ZFHX3: variants seen among roughly 807,000 people sequenced by gnomAD.
ZFHX3 encodes zinc finger homeobox protein 3.
In ZFHX3, 42 loss-of-function variants were observed where a neutral mutation model predicts 279.1. That is an observed-to-expected ratio of 0.15 (90% CI 0.12 to 0.19). ZFHX3 has a LOEUF of 0.19. Ranked by LOEUF, ZFHX3 falls within the 10% of genes least tolerant of loss-of-function variation. ZFHX3 has a pLI of 1.00. For synonymous variants in ZFHX3, 2,293 were observed against 1,957.8 expected, an observed-to-expected ratio of 1.17 and a Z score of -4.52; for missense variants, 4,981 against 4,754.0, an observed-to-expected ratio of 1.05 and a Z score of -1.40.
At chr16:73,371,200 G>A (rs1187181253) in intron 3 of ZFHX3, among the ~76,000 whole-genome samples, 2 of 151,650 alleles carry the variant, frequency 1.3e-5, no homozygotes, top group African/African-American at 2.4e-5. Flanking sequence ...CTAGCTACTC[G>A]AGAGGCTGAG....
chr16:72,823,426 G>T (rs1405633611), intron 5 of ZFHX3, among the ~76,000 whole-genome samples: 2 of 152,152 alleles, frequency 1.3e-5, no homozygotes, highest in African/African-American at 4.8e-5. Flanking sequence ...CCACTCAAAG[G>T]CACCCATGTG....
intron 5 of ZFHX3, among the ~76,000 whole-genome samples, chr16:73,239,953 T>A (rs1473989854): frequency 6.6e-6 from 1 of 152,142 alleles, no homozygotes; most frequent in East Asian, 1.9e-4. Context: ...GTCACAATGT[T>A]TTCATCAATG....
At chr16:72,961,621 T>G (rs1385738503) in intron 1 of ZFHX3, among the ~76,000 whole-genome samples, 2 of 141,074 alleles carry the variant, frequency 1.4e-5, no homozygotes, top group Non-Finnish European at 3.1e-5. Flanking sequence ...AGCCCCTATC[T>G]TCTCAATCTT....
intron 2 of ZFHX3, among the ~76,000 whole-genome samples, chr16:73,534,222 A>G (rs1322578196): frequency 2.0e-5 from 3 of 152,152 alleles, no homozygotes; most frequent in Non-Finnish European, 4.4e-5. Flanking sequence ...CACACAAAGT[A>G]TACTTCCACT....
intron 4 of ZFHX3, among the ~76,000 whole-genome samples, chr16:73,271,610 A>G (rs1325311498): frequency 1.3e-5 from 2 of 152,202 alleles, no homozygotes; most frequent in African/African-American, 2.4e-5. Context: ...CACCTGTAAA[A>G]TGGGGATGAT....
chr16:73,466,311 G>T (rs1236316730), intron 2 of ZFHX3, among the ~76,000 whole-genome samples: 1 of 152,178 alleles, frequency 6.6e-6, no homozygotes, highest in Non-Finnish European at 1.5e-5. Context: ...GGAAAACCCT[G>T]TCTCTACAAA....
At chr16:73,449,209 C>T (rs1424007) in intron 3 of ZFHX3, among the ~76,000 whole-genome samples, 5,691 of 152,268 alleles carry the variant, frequency 0.037, 320 homozygotes, top group African/African-American at 0.13. Flanking sequence ...AAATTTTATA[C>T]CCAGCTAATG....
intron 3 of ZFHX3, among the ~76,000 whole-genome samples, chr16:73,337,271 C>T (rs998190233): frequency 6.6e-6 from 1 of 152,134 alleles, no homozygotes; most frequent in African/African-American, 2.4e-5. Context: ...GACTCCTGTT[C>T]TGTCATCACC....
chr16:73,259,410 T>C (rs1438630838), intron 4 of ZFHX3, among the ~76,000 whole-genome samples: 1 of 152,260 alleles, frequency 6.6e-6, no homozygotes, highest in Non-Finnish European at 1.5e-5. Flanking sequence ...ATAATTATTG[T>C]TTCAAAAGCC....
At chr16:73,136,629 G>A (rs1443731469) in intron 6 of ZFHX3, among the ~76,000 whole-genome samples, 2 of 150,854 alleles carry the variant, frequency 1.3e-5, no homozygotes, top group Middle Eastern at 3.4e-3. Flanking sequence ...GGAGGCTGAG[G>A]TGGGAGGATC....
chr16:73,829,013 T>A (rs200505352), intron 1 of ZFHX3, among the ~76,000 whole-genome samples: 12,430 of 35,314 alleles, frequency 0.35, 2,634 homozygotes, highest in East Asian at 0.44. Context: ...CCAACTTGGT[T>A]CCATTCTCCA....
At chr16:72,940,369 T>C (rs763053594) in intron 3 of ZFHX3, among the ~76,000 whole-genome samples, 1 of 152,166 alleles carries the variant, frequency 6.6e-6, no homozygotes, top group Non-Finnish European at 1.5e-5. Flanking sequence ...CAGGGAAATC[T>C]GGGAAATCCT....
At chr16:73,110,560 CT>C (rs1455579044) in intron 7 of ZFHX3, among the ~76,000 whole-genome samples, 1 of 152,082 alleles carries the variant, frequency 6.6e-6, no homozygotes, top group African/African-American at 2.4e-5. Context: ...ATCACTAATT[CT>C]TTGTATTTTG....
At chr16:72,839,114 A>G (rs2037277441) in intron 4 of ZFHX3, among the ~76,000 whole-genome samples, 2 of 152,100 alleles carry the variant, frequency 1.3e-5, no homozygotes, top group Admixed American at 1.3e-4. Flanking sequence ...AAAAAGGCAA[A>G]TTCCCCGAGC....
chr16:73,783,127 G>A (rs551025504), intron 1 of ZFHX3, among the ~76,000 whole-genome samples: 1 of 152,172 alleles, frequency 6.6e-6, no homozygotes, highest in Non-Finnish European at 1.5e-5. Flanking sequence ...GCTGCCCGGA[G>A]AGTTGGCTTT....
rs2035378295 is a variant in ZFHX3, at chr16:72,786,517, C to G, written c.*647G>C. On this transcript the variant is annotated 3_prime_UTR_variant, in exon 10 of 10. Coordinates refer to ENST00000268489, the MANE Select transcript of ZFHX3 (RefSeq NM_006885.4). Reference sequence around the variant, plus strand: ...AAATCCCCAGAAAGCTAAAGCAGTTCACATTGTTTTTCTTGAATACTTTCT... The same window carrying G: ...AAATCCCCAGAAAGCTAAAGCAGTTGACATTGTTTTTCTTGAATACTTTCT... 7.0e-6 allele frequency: 1 copy of G among 142,398 alleles called. No homozygotes were observed. The highest frequency in any genetic ancestry group is 2.6e-5 in the African/African-American group (1 of 38,100). 8.8% of individuals were successfully genotyped at this position (142,398 alleles called of 1,614,324 possible).
chr16:73,540,434 C>G lies in ZFHX3; in HGVS notation c.-1546-84176G>C, dbSNP rs574791241. Among the ~76,000 whole-genome samples the G allele has an allele frequency of 1.8e-4, 28 of 152,296 alleles. No homozygotes were observed. The South Asian group carries it at 5.4e-3, about 29-fold the overall frequency. On this transcript the variant is annotated intron_variant, in intron 2 of 17. Coordinates refer to the ZFHX3 transcript ENST00000641206. The stretch of plus-strand genomic sequence containing the variant: ...TTTTTCTTCAGGTCCCCAAAGATCC[C>G]AGCTCCTAACTTTTAGTCGCATCAA...
intron 1 of ZFHX3, among the ~76,000 whole-genome samples, chr16:73,818,964 G>C (rs1355500048): frequency 6.6e-6 from 1 of 152,170 alleles, no homozygotes; most frequent in Non-Finnish European, 1.5e-5. Flanking sequence ...GGAGAACTCA[G>C]TGAAATAATC....
At chr16:73,649,860 G>A (rs922356332) in intron 2 of ZFHX3, among the ~76,000 whole-genome samples, 3 of 152,156 alleles carry the variant, frequency 2.0e-5, no homozygotes, top group Non-Finnish European at 4.4e-5. Flanking sequence ...AATCAAAAGG[G>A]TAGCTAGAGT....
Sources: allele counts gnomAD v4.1 joint callset (sites outside exome capture counted in the v4.1 genomes callset), GRCh38; gene constraint gnomAD v4.1.1; transcripts MANE v1.5; gene names NCBI Gene and HGNC (gene_info 2026-07-23, HGNC 2026-07-21).